The following HUWE1 variants were observed in gnomAD, a reference collection of about 807,000 sequenced individuals.
HUWE1 encodes the protein E3 ubiquitin-protein ligase HUWE1.
A neutral mutation model predicts 299.4 loss-of-function variants in HUWE1; 18 were observed. That is an observed-to-expected ratio of 0.06 (90% CI 0.04 to 0.09). HUWE1 has a LOEUF of 0.09. Among genes scored for constraint, HUWE1 ranks in the 10% least tolerant of loss-of-function variants. The pLI, the probability that HUWE1 is intolerant of heterozygous loss-of-function variation, is 1.00. For missense variants in HUWE1, 1,832 were observed against 3,462.3 expected (o/e 0.53, Z 11.82); for synonymous variants, 1,317 against 1,286.1 (o/e 1.02, Z -0.51).
At chrX:53,611,351 T>C (rs782143560) in intron 23 of HUWE1, among the ~76,000 whole-genome samples, 26 of 111,214 alleles carry the variant, frequency 2.3e-4, no homozygotes, top group Non-Finnish European at 4.7e-4. Flanking sequence ...TGCAATAACA[T>C]GGATGAACCT....
Position 53,576,957 on chromosome X carries a change from T to G in HUWE1, c.5827A>C (p.Lys1943Gln), listed in dbSNP as rs1202961361. Residue 1943 changes from lysine (K) to glutamine (Q), a missense_variant, in exon 44 of 84, where the codon AAG (lysine) becomes CAG (glutamine). This residue lies in a region of HUWE1 where 157 missense variants were observed against 252.3 expected (regional missense o/e 0.62). Transcript: ENST00000262854. ...SPLPVIPDTI[K>Q]EVIYDMLNAL... ...TTCAGCATATCATAGATCACTTCCT[T>G]GATAGTATCAGGGATGACAGGCAGA... is the stretch of plus-strand genomic sequence containing the variant. The G allele has an allele frequency of 1.7e-6, 2 of 1,206,312 alleles. No individual in the cohort carries two copies. The highest frequency in any genetic ancestry group is 3.5e-5 in the African/African-American group (2 of 57,070).
At chrX:53,546,153 C>T (rs1341027568) in intron 70 of HUWE1, among the ~76,000 whole-genome samples, 1 of 111,257 alleles carries the variant, frequency 9.0e-6, no homozygotes, top group Non-Finnish European at 1.9e-5. Flanking sequence ...AGAAAGGAGG[C>T]GCTGCTGTTC....
At chrX:53,545,298 G>A (rs2061498945) in intron 70 of HUWE1, 137 bp from the exon 71 acceptor site, 4 of 604,862 alleles carry the variant, frequency 6.6e-6, no homozygotes, top group Non-Finnish European at 8.0e-6. Context: ...CTGGAATCGT[G>A]CTCTGTTCAG....
intron 43 of HUWE1, among the ~76,000 whole-genome samples, chrX:53,578,708 C>A (rs1556962682): frequency 1.3e-5 from 1 of 76,593 alleles, no homozygotes; most frequent in Non-Finnish European, 2.6e-5. Context: ...TGGCCAGCCG[C>A]CCCGTCCGGG....
intron 61 of HUWE1, among the ~76,000 whole-genome samples, chrX:53,553,393 C>T (rs1230049396): frequency 1.9e-5 from 2 of 108,070 alleles, no homozygotes; most frequent in Non-Finnish European, 3.8e-5. Flanking sequence ...CCACCTGCCT[C>T]GGCCTCCCAA....
At chrX:53,644,951 G>A (rs782808008) in intron 7 of HUWE1, among the ~76,000 whole-genome samples, 3 of 111,984 alleles carry the variant, frequency 2.7e-5, no homozygotes, top group Non-Finnish European at 5.6e-5. Context: ...TCCCAGAAGA[G>A]GAAACCAGTG....
intron 7 of HUWE1, among the ~76,000 whole-genome samples, chrX:53,644,277 TGGTA>T (rs1569507277): frequency 1.8e-5 from 2 of 112,578 alleles, no homozygotes; most frequent in African/African-American, 6.5e-5. Context: ...TTATGACTTC[TGGTA>T]GGTAACTCTA....
chrX:53,575,281 G>T (rs949974276), intron 45 of HUWE1, 60 bp from the exon 46 acceptor site: 1 of 889,620 alleles, frequency 1.1e-6, no homozygotes, highest in Non-Finnish European at 1.6e-6. Context: ...TCTGCAAATG[G>T]CAGAACTCCT....
At chrX:53,684,121 G>C in intron 2 of HUWE1, 1 of 262,620 alleles carries the variant, frequency 3.8e-6, no homozygotes, top group Non-Finnish European at 6.8e-6. Context: ...CACCCTACGC[G>C]AAGCGAAAAG....
rs868961087 is a variant in HUWE1, at chrX:53,645,754, T to A, written c.352-291A>T. 9.8e-3 allele frequency among the ~76,000 whole-genome samples: 831 copies of A among 84,646 alleles called. 60 individuals are homozygous for A. Among genetic ancestry groups the A allele is most frequent in the African/African-American group, 0.037 (744 of 20,153 alleles). 73.5% of individuals were successfully genotyped at this position (84,646 alleles called of 115,157 possible). On this transcript the variant is annotated intron_variant, in intron 6 of 83. Transcript: ENST00000262854. ...AAAAAAAAATATATATATATATATA[T>A]ATATATATATATATATATATATGTA...
At chrX:53,639,649 G>A (rs2067448042) in intron 7 of HUWE1, among the ~76,000 whole-genome samples, 1 of 112,000 alleles carries the variant, frequency 8.9e-6, no homozygotes, top group Admixed American at 9.4e-5. Context: ...TTATGGGGAG[G>A]TGAACCAAGA....
chrX:53,667,467 T>C (rs193291841), intron 3 of HUWE1, among the ~76,000 whole-genome samples: 10 of 111,822 alleles, frequency 8.9e-5, no homozygotes, highest in African/African-American at 3.3e-4. Context: ...TTAGAGCCTA[T>C]AGTTGGGCAA....
In HUWE1 at chrX:53,577,073, C is replaced by G; in HGVS notation, c.5717-6G>C. 4.2e-6 allele frequency: 5 copies of G among 1,192,661 alleles called. No homozygotes were observed. Among genetic ancestry groups the G allele is most frequent in the Non-Finnish European group, 5.7e-6 (5 of 878,777 alleles). Reference sequence around the variant, plus strand: ...CTCAAATTCATCATCTGAAGCTAAGCCAAAATGAGAGAGAAAAACCAGTCA... The same window carrying G: ...CTCAAATTCATCATCTGAAGCTAAGGCAAAATGAGAGAGAAAAACCAGTCA... On this transcript the variant is annotated splice_region_variant and splice_polypyrimidine_tract_variant and intron_variant, in intron 43 of 83. Coordinates refer to ENST00000262854, the MANE Select transcript of HUWE1 (RefSeq NM_031407.7).
At chrX:53,586,384 G>T (rs1281637194) in intron 39 of HUWE1, 106 bp downstream of exon 39, 2 of 529,720 alleles carry the variant, frequency 3.8e-6, no homozygotes, top group Non-Finnish European at 6.6e-6. Context: ...TTTATACATT[G>T]GTCAGAGACT....
chrX:53,652,350 C>T (rs2068525342), intron 4 of HUWE1, among the ~76,000 whole-genome samples: 1 of 111,751 alleles, frequency 8.9e-6, no homozygotes, highest in African/African-American at 3.3e-5. Flanking sequence ...TAAAATTTAT[C>T]GCAATATAAT....
chrX:53,661,255 C>T (rs781814778), intron 3 of HUWE1, among the ~76,000 whole-genome samples: 82 of 111,518 alleles, frequency 7.4e-4, no homozygotes, highest in East Asian at 2.2e-3. Flanking sequence ...AGGATGGTCT[C>T]GATCTCCTGA....
At chrX:53,604,252 A>C (rs1256959817) in intron 26 of HUWE1, among the ~76,000 whole-genome samples, 1 of 112,143 alleles carries the variant, frequency 8.9e-6, no homozygotes, top group Non-Finnish European at 1.9e-5. Context: ...CTATTGATTT[A>C]AATGTTCTTT....
In HUWE1 at chrX:53,548,391, G is replaced by A. The variant is rs945270949; in HGVS notation, c.10036-118C>T. 5 of 841,277 alleles carry A rather than the reference G, an allele frequency of 5.9e-6. No individual in the cohort carries two copies. In the Admixed American group the frequency reaches 1.3e-4, roughly 22 times the overall value. The allele number at this position is 841,277 out of a possible 1,213,427, so 69.3% of individuals were successfully genotyped here. A position where few individuals can be genotyped will look rare whatever the true frequency, so the allele number is the denominator to read the frequency against. ...CTTCAGACAATTTTGGTAAATATTG[G>A]GGGATATGTCATATAAGAGTTTTAT... is the stretch of plus-strand genomic sequence containing the variant. On this transcript the variant is annotated intron_variant, in intron 67 of 83. Transcript: ENST00000262854.
At chrX:53,535,815 G>T (rs1477761347) in intron 80 of HUWE1, 2 of 368,428 alleles carry the variant, frequency 5.4e-6, no homozygotes, top group African/African-American at 2.6e-5. Context: ...CTTAGGAAAA[G>T]AATTTAGGAG....
Sources: gnomAD v4.1 joint callset for allele counts (sites outside exome capture counted in the v4.1 genomes callset) on GRCh38, gnomAD v4.1.1 for gene constraint, gnomAD v4.1.1 regional missense constraint, MANE v1.5 for transcripts, NCBI Gene and HGNC (gene_info 2026-07-23, HGNC 2026-07-21) for gene names.